The following SV2B variants were observed in gnomAD, a reference collection of about 807,000 sequenced individuals.
The protein encoded by SV2B is synaptic vesicle glycoprotein 2B, also known as solute carrier family 22 member B2.
In SV2B, 41 loss-of-function variants were observed where a neutral mutation model predicts 73.9. The ratio of observed to expected loss-of-function variants is 0.56; its 90% confidence interval spans 0.43 to 0.72. SV2B has a LOEUF of 0.72. Among genes scored for constraint, SV2B ranks in the 30% least tolerant of loss-of-function variants. The probability of loss-of-function intolerance (pLI) is 0.00; values close to 1 mark genes in which losing one functional copy is unlikely to be tolerated. For synonymous variants in SV2B, 314 were observed against 314.2 expected (o/e 1.00, Z 0.01); for missense variants, 764 against 857.8 (o/e 0.89, Z 1.37).
rs1233384919 is a variant in SV2B, at chr15:91,220,380, C to T, written c.-391-5493C>T. Among the ~76,000 whole-genome samples, 3 of 152,164 alleles carry T rather than the reference C, an allele frequency of 2.0e-5. No individual in the cohort carries two copies. The highest frequency in any genetic ancestry group is 1.3e-4 in the Admixed American group (2 of 15,276). On this transcript the variant is annotated intron_variant, in intron 1 of 12. Transcript: ENST00000394232. This position sits in a 1 kb window ranked among gnomAD's most constrained non-coding sequence, Gnocchi z 4.1. ...TCATAGCCTTTAATATAGCAATGTG[C>T]ATTGTGCATTTCTGAAAGAGAATAG...
In SV2B at chr15:91,276,829, A is replaced by T. The variant is rs189242434; in HGVS notation, c.1374-4899A>T. Among the ~76,000 whole-genome samples the T allele has an allele frequency of 6.4e-3, 951 of 149,210 alleles. 8 individuals carry two copies. Among genetic ancestry groups the T allele is most frequent in the African/African-American group, 0.021 (847 of 40,684 alleles). On this transcript the variant is annotated intron_variant, in intron 9 of 12. Coordinates refer to ENST00000394232, the MANE Select transcript of SV2B (RefSeq NM_001323032.3). ...TGTTATTATTATTATTATTATTATT[A>T]TTATTATTTGAGACAGAGTTTTGCT... is the stretch of plus-strand genomic sequence containing the variant.
rs558329420 is a variant in SV2B at position 91,197,104 on chromosome 15, C to T, written c.-391-28769C>T. ...TTGATGTCAGAAAGACCTGTCTGCC[C>T]TGTTTCAGATGTGAGGCTGGCCTTA... On this transcript the variant is annotated intron_variant, in intron 1 of 12. Coordinates refer to ENST00000394232, the MANE Select transcript of SV2B (RefSeq NM_001323032.3). This position sits in a 1 kb window ranked among gnomAD's most constrained non-coding sequence, Gnocchi z 4.9. Among the ~76,000 whole-genome samples, 1 of 152,228 alleles carries T rather than the reference C, an allele frequency of 6.6e-6. No homozygotes were observed. Among genetic ancestry groups the T allele is most frequent in the African/African-American group, 2.4e-5 (1 of 41,462 alleles).
chr15:91,101,312 C>G (rs1329303179), intron 1 of SV2B, among the ~76,000 whole-genome samples: 2 of 151,986 alleles, frequency 1.3e-5, no homozygotes, highest in Non-Finnish European at 2.9e-5. Flanking sequence ...CTATGCTGGT[C>G]TCCTCTGTGT....
In SV2B at chr15:91,252,736, T is replaced by C. The variant is rs1335898593; in HGVS notation, c.784+216T>C. 1.3e-5 allele frequency among the ~76,000 whole-genome samples: 2 copies of C among 152,168 alleles called. No individual in the cohort carries two copies. The highest frequency in any genetic ancestry group is 2.9e-5 in the Non-Finnish European group (2 of 68,030). On this transcript the variant is annotated intron_variant, in intron 4 of 12. Transcript: ENST00000394232. This position sits in a 1 kb window ranked among gnomAD's most constrained non-coding sequence, Gnocchi z 4.6. The stretch of plus-strand genomic sequence containing the variant: ...TATCCTGTCCTCCCTCTTTTCCTCC[T>C]TCCTTCCCTTCCTTCATTCTTCCCT...
chr15:91,181,206 C>T (rs530699649), intron 1 of SV2B, among the ~76,000 whole-genome samples: 84 of 152,284 alleles, frequency 5.5e-4, no homozygotes, highest in African/African-American at 1.9e-3. Flanking sequence ...TGCATAACAG[C>T]GGATTTTTGT....
intron 1 of SV2B, among the ~76,000 whole-genome samples, chr15:91,218,495 G>T (rs2046108968): frequency 6.6e-6 from 1 of 152,100 alleles, no homozygotes; most frequent in Non-Finnish European, 1.5e-5. Context: ...GAGTGTGTCT[G>T]GAACCTCACC....
rs2151709228 is a variant in SV2B, at chr15:91,100,558, T to C, written c.-392+195T>C. Among the ~76,000 whole-genome samples the C allele has an allele frequency of 6.6e-6, 1 of 152,356 alleles. No homozygotes were observed. The highest frequency in any genetic ancestry group is 1.9e-4 in the East Asian group (1 of 5,188). ...CGCAGAAAAGCAAGGACTTGCCCGCTGCCTGGAGCTGTGCGCTTCTTTGAA... is the reference window on the plus strand; with the variant it reads ...CGCAGAAAAGCAAGGACTTGCCCGCCGCCTGGAGCTGTGCGCTTCTTTGAA... On this transcript the variant is annotated intron_variant, in intron 1 of 12. Coordinates refer to ENST00000394232, the MANE Select transcript of SV2B (RefSeq NM_001323032.3). The surrounding 1 kb of genome is among the most constrained non-coding windows in gnomAD (Gnocchi z 6.4).
intron 1 of SV2B, among the ~76,000 whole-genome samples, chr15:91,203,907 A>T (rs1379869134): frequency 6.6e-6 from 1 of 152,214 alleles, no homozygotes; most frequent in Non-Finnish European, 1.5e-5. Context: ...TGCTTTCAGA[A>T]GACCAAAGGG....
At chr15:91,120,949 A>G (rs1018488916) in intron 1 of SV2B, among the ~76,000 whole-genome samples, 3 of 152,158 alleles carry the variant, frequency 2.0e-5, no homozygotes, top group African/African-American at 7.2e-5. Flanking sequence ...CAGGTAGTAG[A>G]TGGCAGAGCT....
Position 91,252,520 on chromosome 15 carries a change from G to A in SV2B, c.784G>A (p.Gly262Ser). ...GGCCTGGAGCATCATCCCACACTATGGTGAGTCATGGCTCCAAACAGCCTA... is the reference window on the plus strand; with the variant it reads ...GGCCTGGAGCATCATCCCACACTATAGTGAGTCATGGCTCCAAACAGCCTA... ...AMAWSIIPHYGWGFSMGTNYH... is the reference protein window; with the variant it reads ...AMAWSIIPHYSWGFSMGTNYH... Residue 262 changes from glycine (G) to serine (S), a missense_variant and splice_region_variant, in exon 4 of 13, where the codon GGC (glycine) becomes AGC (serine). Physicochemically the swap from Gly to Ser is moderately conservative, Grantham distance 56. Coordinates refer to ENST00000394232, the MANE Select transcript of SV2B (RefSeq NM_001323032.3). This position sits in a 1 kb window ranked among gnomAD's most constrained non-coding sequence, Gnocchi z 4.6. 2 of 1,602,352 alleles carry A rather than the reference G, an allele frequency of 1.2e-6. No individual in the cohort carries two copies. Among genetic ancestry groups the A allele is most frequent in the Non-Finnish European group, 1.7e-6 (2 of 1,174,014 alleles).
intron 1 of SV2B, among the ~76,000 whole-genome samples, chr15:91,142,293 T>C (rs72764737): frequency 0.32 from 48,977 of 151,950 alleles, 8,465 homozygotes; most frequent in Non-Finnish European, 0.38. Context: ...TTTTGCTACC[T>C]TTTCACTTGC....
Position 91,252,290 on chromosome 15 carries a change from G to A in SV2B, c.633-79G>A, listed in dbSNP as rs1260169636. On this transcript the variant is annotated intron_variant, in intron 3 of 12. Coordinates refer to ENST00000394232, the MANE Select transcript of SV2B (RefSeq NM_001323032.3). This position sits in a 1 kb window ranked among gnomAD's most constrained non-coding sequence, Gnocchi z 4.6. ...CTTTCACCACAGAGCCTAAGGTGGGGTATAGGCAACTTGGTTTCTGCTGTG... is the reference window on the plus strand; with the variant it reads ...CTTTCACCACAGAGCCTAAGGTGGGATATAGGCAACTTGGTTTCTGCTGTG... 3.3e-6 allele frequency: 5 copies of A among 1,527,442 alleles called. No individual in the cohort carries two copies. The African/African-American group carries it at 6.9e-5, about 21-fold the overall frequency. 94.6% of individuals were successfully genotyped at this position (1,527,442 alleles called of 1,614,324 possible).
Position 91,221,693 on chromosome 15 carries a change from G to GCGCGCGCGCGCACA in SV2B, c.-391-4179_-391-4178insGCGCGCGCGCACAC, listed in dbSNP as rs370290337. On this transcript the variant is annotated intron_variant, in intron 1 of 12. Coordinates refer to ENST00000394232, the MANE Select transcript of SV2B (RefSeq NM_001323032.3). ...CTGTGGACTATTACCAAGCATGTGC[G>GCGCGCGCGCGCACA]CACACACACACACACACACACACAC... is the stretch of plus-strand genomic sequence containing the variant. Among the ~76,000 whole-genome samples the GCGCGCGCGCGCACA allele has an allele frequency of 1.6e-3, 221 of 140,158 alleles. 2 individuals carry two copies. The highest frequency in any genetic ancestry group is 5.5e-3 in the African/African-American group (198 of 35,816). 91.9% of individuals were successfully genotyped at this position (140,158 alleles called of 152,430 possible). A position where few individuals can be genotyped will look rare whatever the true frequency, so the allele number is the denominator to read the frequency against.
chr15:91,222,490 G>A (rs1471422455), intron 1 of SV2B, among the ~76,000 whole-genome samples: 1 of 151,666 alleles, frequency 6.6e-6, no homozygotes, highest in East Asian at 1.9e-4. Flanking sequence ...TGGGGATCAA[G>A]TCATGTCATA....
intron 1 of SV2B, among the ~76,000 whole-genome samples, chr15:91,169,824 G>T (rs2044056427): frequency 1.3e-5 from 2 of 152,158 alleles, no homozygotes; most frequent in Non-Finnish European, 2.9e-5. Context: ...GGCCCCAGTT[G>T]AGCTGAGATA....
intron 1 of SV2B, among the ~76,000 whole-genome samples, chr15:91,202,814 G>C (rs1212396213): frequency 6.6e-6 from 1 of 152,144 alleles, no homozygotes; most frequent in Non-Finnish European, 1.5e-5. Context: ...AATGGGCCTG[G>C]CCTTTTTATC....
chr15:91,164,341 T>C (rs1399838996), intron 1 of SV2B, among the ~76,000 whole-genome samples: 2 of 152,198 alleles, frequency 1.3e-5, no homozygotes, highest in Admixed American at 6.5e-5. Flanking sequence ...GCTACCTGAC[T>C]TCAAACTATA....
chr15:91,200,118 T>G (rs986900937), intron 1 of SV2B, among the ~76,000 whole-genome samples: 1 of 152,232 alleles, frequency 6.6e-6, no homozygotes, highest in African/African-American at 2.4e-5. Context: ...CATTCAAGCC[T>G]TTTCTATTCC....
Position 91,158,879 on chromosome 15 carries a change from C to T in SV2B, c.-392+58516C>T, listed in dbSNP as rs148873599. ...AGGCTGTGTATCGTTGGAGCTGAGT[C>T]TCCTTAGAGGGGTAACTTTTCTAAC... On this transcript the variant is annotated intron_variant, in intron 1 of 12. Coordinates refer to ENST00000394232, the MANE Select transcript of SV2B (RefSeq NM_001323032.3). Among the ~76,000 whole-genome samples the T allele has an allele frequency of 9.9e-3, 1,497 of 151,576 alleles. 23 individuals carry two copies. Among genetic ancestry groups the T allele is most frequent in the African/African-American group, 0.033 (1,358 of 41,294 alleles).
Sources: gnomAD v4.1 joint callset for allele counts (sites outside exome capture counted in the v4.1 genomes callset) on GRCh38, gnomAD v4.1.1 for gene constraint, Gnocchi (gnomAD v3.1) non-coding constraint, MANE v1.5 for transcripts, NCBI Gene and HGNC (gene_info 2026-07-23, HGNC 2026-07-21) for gene names.